The following KIF26B variants were observed in gnomAD, a reference collection of about 807,000 sequenced individuals.
KIF26B encodes the protein kinesin-like protein KIF26B.
A neutral mutation model predicts 151.2 loss-of-function variants in KIF26B; 63 were observed. That is an observed-to-expected ratio of 0.42 (90% confidence interval 0.34 to 0.51). The LOEUF is 0.51. KIF26B is among the 20% of genes least tolerant of loss of function. The pLI is 0.07. For synonymous variants in KIF26B, 1,357 were observed against 1,262.1 expected, an observed-to-expected ratio of 1.08 and a Z score of -1.59; for missense variants, 2,813 against 2,913.6, an observed-to-expected ratio of 0.97 and a Z score of 0.79.
chr1:245,256,262 T>C (rs1442658087), intron 2 of KIF26B, among the ~76,000 whole-genome samples: 1 of 152,214 alleles, frequency 6.6e-6, no homozygotes, highest in Non-Finnish European at 1.5e-5. Flanking sequence ...ATTTTGGGAT[T>C]TGACATCAAA....
At chr1:245,155,987 T>G (rs1410206621) in intron 1 of KIF26B, among the ~76,000 whole-genome samples, 2 of 126,280 alleles carry the variant, frequency 1.6e-5, no homozygotes, top group Non-Finnish European at 3.3e-5. Context: ...GCGCTGAACC[T>G]ATGGATCCCC....
chr1:245,351,785 G>A (rs765223292), intron 2 of KIF26B, among the ~76,000 whole-genome samples: 4 of 152,212 alleles, frequency 2.6e-5, no homozygotes, highest in Non-Finnish European at 5.9e-5. Context: ...ATGAAGATGA[G>A]GAGCTATTTT....
At chr1:245,270,458 A>G (rs1048344156) in intron 2 of KIF26B, among the ~76,000 whole-genome samples, 1 of 146,882 alleles carries the variant, frequency 6.8e-6, no homozygotes, top group Non-Finnish European at 1.5e-5. Flanking sequence ...AATCATGGCC[A>G]TCCTAACAGG....
intron 4 of KIF26B, among the ~76,000 whole-genome samples, chr1:245,496,076 T>C (rs753912800): frequency 2.0e-5 from 3 of 152,090 alleles, no homozygotes; most frequent in Non-Finnish European, 4.4e-5. Context: ...AAAGGAAGTA[T>C]ACGGATAGAA....
intron 2 of KIF26B, among the ~76,000 whole-genome samples, chr1:245,338,046 G>T (rs762412209): frequency 4.0e-4 from 61 of 152,190 alleles, no homozygotes; most frequent in Non-Finnish European, 7.3e-4. Flanking sequence ...CGTCTGGTTT[G>T]GGGCAAACAA....
intron 2 of KIF26B, among the ~76,000 whole-genome samples, chr1:245,178,162 T>C (rs1173001621): frequency 3.3e-5 from 5 of 152,216 alleles, no homozygotes; most frequent in Admixed American, 6.5e-5. Flanking sequence ...GAATAATTCC[T>C]ACGCTTTGAG....
chr1:245,601,762 C>T lies in KIF26B; in HGVS notation c.1351-815C>T, dbSNP rs79168896. Among the ~76,000 whole-genome samples the T allele has an allele frequency of 5.4e-4, 83 of 152,344 alleles. No homozygotes were observed. The East Asian group carries it at 0.014, about 27-fold the overall frequency. ...GCTGTCCCTTTTCCCAGGACTGTAGCTTCCAGACCCGTGTGAGGCCTCAGC... is the reference window on the plus strand; with the variant it reads ...GCTGTCCCTTTTCCCAGGACTGTAGTTTCCAGACCCGTGTGAGGCCTCAGC... On this transcript the variant is annotated intron_variant, in intron 5 of 14. Coordinates refer to ENST00000407071, the MANE Select transcript of KIF26B (RefSeq NM_018012.4). This position sits in a 1 kb window ranked among gnomAD's most constrained non-coding sequence, Gnocchi z 4.4.
At chr1:245,543,474 CT>C (rs1661668994) in intron 5 of KIF26B, among the ~76,000 whole-genome samples, 2 of 49,506 alleles carry the variant, frequency 4.0e-5, no homozygotes, top group African/African-American at 6.2e-5. Flanking sequence ...ACCCATGAGA[CT>C]GTGTCGAGGA....
At chr1:245,393,750 A>C (rs1407001402) in intron 3 of KIF26B, among the ~76,000 whole-genome samples, 4 of 152,240 alleles carry the variant, frequency 2.6e-5, no homozygotes, top group Non-Finnish European at 5.9e-5. Context: ...GCTAAGAGGA[A>C]GAAGACAAGG....
chr1:245,602,426 ATGT>A lies in KIF26B; in HGVS notation c.1351-148_1351-146del, dbSNP rs1273626298. 9 of 633,256 alleles carry A rather than the reference ATGT, an allele frequency of 1.4e-5. No homozygotes were observed. Among genetic ancestry groups the A allele is most frequent in the Non-Finnish European group, 2.5e-5 (9 of 359,938 alleles). The allele number at this position is 633,256 out of a possible 1,614,324, so 39.2% of individuals were successfully genotyped here. On this transcript the variant is annotated intron_variant, in intron 5 of 14. Transcript: ENST00000407071. This position sits in a 1 kb window ranked among gnomAD's most constrained non-coding sequence, Gnocchi z 4.5. ...GTTTTCCCGTGACCCACCAAGGATG[ATGT>A]TGCTAATTCACTGTGCATTTCATCA...
chr1:245,688,949 C>T (rs1314724429), intron 12 of KIF26B, 142 bp downstream of exon 12: 1 of 1,120,484 alleles, frequency 8.9e-7, no homozygotes, highest in Non-Finnish European at 1.2e-6. Context: ...ACTGCCCAAA[C>T]CCCACTGCCA....
chr1:245,198,101 C>G (rs998756209), intron 2 of KIF26B, among the ~76,000 whole-genome samples: 1 of 152,146 alleles, frequency 6.6e-6, no homozygotes, highest in East Asian at 1.9e-4. Flanking sequence ...AGCAGATACT[C>G]GTTGAGGGCT....
At chr1:245,421,625 T>A (rs895391834) in intron 4 of KIF26B, among the ~76,000 whole-genome samples, 1 of 152,170 alleles carries the variant, frequency 6.6e-6, no homozygotes, top group Non-Finnish European at 1.5e-5. Flanking sequence ...AAGTGGAGTC[T>A]TCCGTTCAGT....
chr1:245,685,603 G>A lies in KIF26B; in HGVS notation c.2620G>A (p.Ala874Thr), dbSNP rs1558269736. The A allele has an allele frequency of 1.9e-6, 3 of 1,613,734 alleles. No homozygotes were observed. Among genetic ancestry groups the A allele is most frequent in the South Asian group, 2.2e-5 (2 of 91,068 alleles). ...CATCTACATCGGGCCCAACGGCACG[G>A]CCCTCTCTGACAAGGAGCTCACCGA... The part of the protein sequence containing the change: ...TVIYIGPNGT[A>T]LSDKELTDNE... Residue 874 changes from alanine (A) to threonine (T), a missense_variant, in exon 12 of 15, where the codon GCC (alanine) becomes ACC (threonine). Ala to Thr is a moderately conservative substitution (Grantham distance 58). Transcript: ENST00000407071.
At chr1:245,307,725 C>G (rs1193136292) in intron 2 of KIF26B, among the ~76,000 whole-genome samples, 3 of 149,732 alleles carry the variant, frequency 2.0e-5, no homozygotes, top group Non-Finnish European at 4.4e-5. Context: ...TTATCTCTAC[C>G]AGGAATCTCT....
intron 2 of KIF26B, among the ~76,000 whole-genome samples, chr1:245,172,759 G>A (rs567485305): frequency 2.3e-4 from 35 of 152,182 alleles, no homozygotes; most frequent in Middle Eastern, 3.4e-3. Context: ...GCAGGGAGCC[G>A]ATATTGCATC....
chr1:245,603,270 C>T (rs1465696746), intron 6 of KIF26B, among the ~76,000 whole-genome samples: 3 of 152,206 alleles, frequency 2.0e-5, no homozygotes, highest in African/African-American at 2.4e-5. Context: ...GCAGGGAAAC[C>T]GAGGCTGACA....
rs1195887921 is a variant in KIF26B at position 245,318,882 on chromosome 1, G to A, written c.466-47952G>A. 1.1e-5 allele frequency among the ~76,000 whole-genome samples: 1 copy of A among 89,126 alleles called. No individual in the cohort carries two copies. The highest frequency in any genetic ancestry group is 2.1e-5 in the Non-Finnish European group (1 of 46,838). The allele number at this position is 89,126 out of a possible 152,430, so 58.5% of individuals were successfully genotyped here. A position where few individuals can be genotyped will look rare whatever the true frequency, so the allele number is the denominator to read the frequency against. On this transcript the variant is annotated intron_variant, in intron 2 of 14. Transcript: ENST00000407071. This position sits in a 1 kb window ranked among gnomAD's most constrained non-coding sequence, Gnocchi z 4.0. The stretch of plus-strand genomic sequence containing the variant: ...GAAATCAGCCTGAGCCAAGATTGAT[G>A]AGGAAAAAAAAACAAAAACCAAAAT...
rs756689060 is a variant in KIF26B at position 245,702,601 on chromosome 1, C to T, written c.6322C>T (p.Arg2108Trp). Residue 2108 changes from arginine (R) to tryptophan (W), a missense_variant, in exon 15 of 15, where the codon CGG becomes TGG. Transcript: ENST00000407071. The surrounding 1 kb of genome is among the most constrained non-coding windows in gnomAD (Gnocchi z 4.1). ...CTGCTTCGACATCACCTCCAGGCGCCGGTAGATGAGCCAGACCCTTGTCCT... is the reference window on the plus strand; with the variant it reads ...CTGCTTCGACATCACCTCCAGGCGCTGGTAGATGAGCCAGACCCTTGTCCT... ...ITCFDITSRR[R>W] The T allele has an allele frequency of 3.7e-5, 60 of 1,613,482 alleles. 1 individual carries two copies. The South Asian group carries it at 4.1e-4, about 11-fold the overall frequency.
Sources: gnomAD v4.1 joint callset for allele counts (sites outside exome capture counted in the v4.1 genomes callset) on GRCh38, gnomAD v4.1.1 for gene constraint, Gnocchi (gnomAD v3.1) non-coding constraint, MANE v1.5 for transcripts, NCBI Gene and HGNC (gene_info 2026-07-23, HGNC 2026-07-21) for gene names.